HYDIN: variants seen among roughly 807,000 people sequenced by gnomAD.
HYDIN encodes the protein HYDIN axonemal central pair apparatus protein, also known as axonemal central pair apparatus protein HYDIN.
In HYDIN, 132 loss-of-function variants were observed where a neutral mutation model predicts 403.9. That is an observed-to-expected ratio of 0.33 (90% CI 0.28 to 0.38). HYDIN has a LOEUF of 0.38. HYDIN is among the 10% of genes least tolerant of loss of function. The pLI is 1.00. For synonymous variants in HYDIN, 1,202 were observed against 1,891.7 expected, an observed-to-expected ratio of 0.64 and a Z score of 9.46; for missense variants, 2,827 against 5,009.5, an observed-to-expected ratio of 0.56 and a Z score of 13.15.
intron 78 of HYDIN, among the ~76,000 whole-genome samples, chr16:70,834,465 G>A (rs555696560): frequency 6.6e-6 from 1 of 151,986 alleles, no homozygotes; most frequent in Non-Finnish European, 1.5e-5. Context: ...CCCTGATACA[G>A]GAAATAGTAA....
chr16:70,805,848 GAA>G lies in HYDIN; in HGVS notation c.*1730_*1731del, dbSNP rs1214950324. On this transcript the variant is annotated 3_prime_UTR_variant, in exon 86 of 86. Transcript: ENST00000393567. ...AGTTACCTGTGGTCAACTGTGGAAT[GAA>G]AATATTTAATGAAAAATTCCAGAAA... 6.6e-6 allele frequency among the ~76,000 whole-genome samples: 1 copy of G among 152,168 alleles called. No individual in the cohort carries two copies. The highest frequency in any genetic ancestry group is 1.5e-5 in the Non-Finnish European group (1 of 68,030).
At chr16:70,947,962 A>G (rs2077930663) in intron 41 of HYDIN, among the ~76,000 whole-genome samples, 1 of 150,582 alleles carries the variant, frequency 6.6e-6, no homozygotes, top group Non-Finnish European at 1.5e-5. Flanking sequence ...ACTACTTTAA[A>G]GTTCATATGG....
At chr16:70,933,355 G>A (rs1450655829) in intron 45 of HYDIN, among the ~76,000 whole-genome samples, 1 of 149,238 alleles carries the variant, frequency 6.7e-6, no homozygotes, top group South Asian at 2.1e-4. Context: ...GCCAGGAAGA[G>A]GTCTGGAAGA....
intron 1 of HYDIN, among the ~76,000 whole-genome samples, chr16:71,214,387 C>T (rs1399255201): frequency 6.6e-6 from 1 of 152,094 alleles, no homozygotes; most frequent in Non-Finnish European, 1.5e-5. Flanking sequence ...TTAGATGAGA[C>T]TTGACATGCT....
At chr16:71,081,640 AC>A (rs1324658734) in intron 12 of HYDIN, among the ~76,000 whole-genome samples, 2 of 149,642 alleles carry the variant, frequency 1.3e-5, no homozygotes, top group African/African-American at 5.0e-5. Context: ...GTTCAAAGGC[AC>A]ATGTAACTGA....
At chr16:71,211,206 C>A (rs889041366) in intron 1 of HYDIN, among the ~76,000 whole-genome samples, 11 of 152,086 alleles carry the variant, frequency 7.2e-5, no homozygotes, top group African/African-American at 1.9e-4. Context: ...AGGAAAAATA[C>A]CCAAAAAGTT....
intron 14 of HYDIN, 97 bp downstream of exon 14, chr16:71,069,170 A>C: frequency 1.5e-6 from 2 of 1,357,980 alleles, no homozygotes; most frequent in Non-Finnish European, 2.0e-6. Context: ...CCTCCTGCTG[A>C]CACTGGACAT....
At chr16:70,842,515 T>C (rs982055445) in intron 75 of HYDIN, among the ~76,000 whole-genome samples, 8 of 152,180 alleles carry the variant, frequency 5.3e-5, no homozygotes, top group Non-Finnish European at 8.8e-5. Flanking sequence ...TGTAAGTCTA[T>C]TTTGTTTGAC....
Position 70,844,787 on chromosome 16 carries a change from T to C in HYDIN, c.12874-4554A>G, listed in dbSNP as rs1021721335. Among the ~76,000 whole-genome samples, 29 of 147,344 alleles carry C rather than the reference T, an allele frequency of 2.0e-4. 1 individual carries two copies. The East Asian group carries it at 2.9e-3, about 15-fold the overall frequency. On this transcript the variant is annotated intron_variant, in intron 75 of 85. Transcript: ENST00000393567. Reference sequence around the variant, plus strand: ...CCCTTGTAAGTTGGATTCCTAGGTATTTTATTCTCTTTGAAGCAATTGTGA... The same window carrying C: ...CCCTTGTAAGTTGGATTCCTAGGTACTTTATTCTCTTTGAAGCAATTGTGA...
chr16:71,137,597 T>C (rs1171793950), intron 7 of HYDIN, among the ~76,000 whole-genome samples: 2 of 152,096 alleles, frequency 1.3e-5, no homozygotes, highest in African/African-American at 4.8e-5. Flanking sequence ...ATATGTATTG[T>C]TGTTGTGGGC....
At position 70,804,665 on chromosome 16, in the gene HYDIN, G is replaced by A. The variant is rs1026680908; in HGVS notation, c.*2915C>T. Among the ~76,000 whole-genome samples the A allele has an allele frequency of 6.6e-6, 1 of 152,234 alleles. No individual in the cohort carries two copies. The highest frequency in any genetic ancestry group is 1.9e-4 in the East Asian group (1 of 5,202). On this transcript the variant is annotated 3_prime_UTR_variant, in exon 86 of 86. Coordinates refer to ENST00000393567, the MANE Select transcript of HYDIN (RefSeq NM_001270974.2). Reference sequence around the variant, plus strand: ...TAATGTTCAAGTTGTTATCTCCAGAGCATTGAGGGGAACTATGATCTTTAG... The same window carrying A: ...TAATGTTCAAGTTGTTATCTCCAGAACATTGAGGGGAACTATGATCTTTAG...
intron 18 of HYDIN, among the ~76,000 whole-genome samples, chr16:71,042,659 G>A (rs1301494134): frequency 1.3e-5 from 2 of 152,120 alleles, no homozygotes; most frequent in African/African-American, 2.4e-5. Context: ...GTTTTCATGT[G>A]GTTTTCATGT....
intron 47 of HYDIN, among the ~76,000 whole-genome samples, chr16:70,916,320 T>C (rs904998357): frequency 1.1e-4 from 17 of 152,246 alleles, no homozygotes; most frequent in African/African-American, 3.9e-4. Flanking sequence ...GGGCCTTTCC[T>C]GCTGCTTCCT....
At chr16:71,230,064 G>A (rs910774642) in intron 1 of HYDIN, among the ~76,000 whole-genome samples, 1 of 152,112 alleles carries the variant, frequency 6.6e-6, no homozygotes, top group African/African-American at 2.4e-5. Context: ...CTCCTCCTTT[G>A]CCTTCCACCA....
intron 1 of HYDIN, among the ~76,000 whole-genome samples, chr16:71,215,792 A>C (rs1031316815): frequency 3.9e-5 from 6 of 151,928 alleles, no homozygotes; most frequent in South Asian, 2.1e-4. Context: ...AAAAAAAAAA[A>C]CAGACAATCC....
At chr16:70,887,252 A>G (rs1470767979) in intron 58 of HYDIN, among the ~76,000 whole-genome samples, 4 of 152,238 alleles carry the variant, frequency 2.6e-5, no homozygotes, top group Non-Finnish European at 5.9e-5. Context: ...CTTGGTTGAC[A>G]TGATTACATT....
intron 23 of HYDIN, among the ~76,000 whole-genome samples, chr16:71,007,307 T>C (rs2079919355): frequency 6.6e-6 from 1 of 152,192 alleles, no homozygotes; most frequent in Admixed American, 6.5e-5. Flanking sequence ...GGCTCATCAA[T>C]TCCATGCACA....
chr16:70,875,650 A>G (rs987308990), intron 62 of HYDIN, among the ~76,000 whole-genome samples: 1 of 152,234 alleles, frequency 6.6e-6, no homozygotes, highest in African/African-American at 2.4e-5. Context: ...TTTAATAAGA[A>G]ACTATATGGA....
intron 1 of HYDIN, among the ~76,000 whole-genome samples, chr16:71,187,862 G>A (rs559998585): frequency 1.3e-5 from 2 of 152,088 alleles, no homozygotes; most frequent in African/African-American, 4.8e-5. Flanking sequence ...CTCTAAGATG[G>A]CAATCAATGA....
Sources: allele counts gnomAD v4.1 joint callset (sites outside exome capture counted in the v4.1 genomes callset), GRCh38; gene constraint gnomAD v4.1.1; transcripts MANE v1.5; gene names NCBI Gene and HGNC (gene_info 2026-07-23, HGNC 2026-07-21).